PHIP: variants seen among roughly 807,000 people sequenced by gnomAD.
The protein encoded by PHIP is PHIP subunit of CUL4-Ring ligase complex, also known as PH-interacting protein.
PHIP carries 54 observed loss-of-function variants against 236.8 expected under a neutral mutation model. The observed-to-expected ratio is 0.23, with a 90% CI of 0.18 to 0.29. The LOEUF is 0.29. PHIP is among the 10% of genes least tolerant of loss of function. The pLI is 1.00. For synonymous variants in PHIP, 756 were observed against 718.9 expected (o/e 1.05, Z -0.83); for missense variants, 1,370 against 2,190.8 (o/e 0.63, Z 7.48).
chr6:79,043,037 T>C, intron 6 of PHIP, 34 bp from the exon 7 acceptor site: 1 of 1,546,646 alleles, frequency 6.5e-7, no homozygotes, highest in Non-Finnish European at 8.8e-7. Flanking sequence ...AAATGTAATC[T>C]GGAAATTAAT....
chr6:79,038,138 A>C (rs1211493149), intron 7 of PHIP, among the ~76,000 whole-genome samples: 3 of 152,202 alleles, frequency 2.0e-5, no homozygotes, highest in African/African-American at 7.2e-5. Flanking sequence ...AAAACAGAAC[A>C]TTTTTTGGTC....
chr6:78,967,277 G>A (rs745863814), intron 27 of PHIP, among the ~76,000 whole-genome samples: 20 of 152,158 alleles, frequency 1.3e-4, no homozygotes, highest in Non-Finnish European at 2.4e-4. Flanking sequence ...ATGCATACTA[G>A]TGACACTTAA....
intron 35 of PHIP, among the ~76,000 whole-genome samples, chr6:78,952,880 T>C (rs1562120349): frequency 6.6e-6 from 1 of 152,090 alleles, no homozygotes; most frequent in Non-Finnish European, 1.5e-5. Flanking sequence ...GTGGTACATA[T>C]AACAACAGTA....
At chr6:78,990,821 C>T in intron 20 of PHIP, 47 bp downstream of exon 20, 1 of 1,073,498 alleles carries the variant, frequency 9.3e-7, no homozygotes, top group Non-Finnish European at 1.4e-6. Context: ...AAAATGGTCA[C>T]TATACTTAAG....
At chr6:78,991,699 T>A (rs954570839) in intron 19 of PHIP, among the ~76,000 whole-genome samples, 3 of 152,182 alleles carry the variant, frequency 2.0e-5, no homozygotes, top group Non-Finnish European at 4.4e-5. Flanking sequence ...AACTATATAC[T>A]GTTGATATTT....
intron 13 of PHIP, 123 bp from the exon 14 acceptor site, chr6:79,015,906 A>T: frequency 6.4e-6 from 4 of 627,350 alleles, no homozygotes; most frequent in Non-Finnish European, 1.1e-5. Context: ...ACAGTAACTG[A>T]GAAGTTTGAA....
chr6:79,077,970 G>A (rs1462907116), intron 1 of PHIP, 57 bp from the exon 2 acceptor site: 27 of 1,591,664 alleles, frequency 1.7e-5, no homozygotes, highest in Non-Finnish European at 2.2e-5. Flanking sequence ...GCGGCGGGGG[G>A]CGGGGGACCG....
rs192081628 is a variant in PHIP, at chr6:79,007,807, G to A, written c.1525-3949C>T. Among the ~76,000 whole-genome samples the A allele has an allele frequency of 6.4e-4, 97 of 151,790 alleles. 1 individual carries two copies. In the South Asian group the frequency reaches 8.1e-3, roughly 13 times the overall value. ...ACTCATATACCAAGAATGAAAAGAG[G>A]TGATAAATGGAATTTATGCTAAGAA... is the stretch of plus-strand genomic sequence containing the variant. On this transcript the variant is annotated intron_variant, in intron 15 of 39. Coordinates refer to ENST00000275034, the MANE Select transcript of PHIP (RefSeq NM_017934.7).
chr6:78,965,553 C>T, intron 29 of PHIP, 150 bp downstream of exon 29: 1 of 531,974 alleles, frequency 1.9e-6, no homozygotes, highest in Admixed American at 3.1e-5. Context: ...ATCTCCCCTA[C>T]TTCAAGGTGT....
At position 78,940,045 on chromosome 6, in the gene PHIP, A is replaced by G. The variant is rs958668547; in HGVS notation, c.*648T>C. On this transcript the variant is annotated 3_prime_UTR_variant, in exon 40 of 40. Coordinates refer to ENST00000275034, the MANE Select transcript of PHIP (RefSeq NM_017934.7). ...GACAGTCAAATGTTTTCCAATGTGG[A>G]TATGTTTCCCTTCATCAGTACATTT... is the stretch of plus-strand genomic sequence containing the variant. The G allele has an allele frequency of 2.2e-5, 3 of 135,176 alleles. No homozygotes were observed. The highest frequency in any genetic ancestry group is 4.8e-5 in the Non-Finnish European group (3 of 62,962). 8.4% of individuals were successfully genotyped at this position (135,176 alleles called of 1,614,324 possible).
At chr6:79,007,171 G>C (rs1306575540) in intron 15 of PHIP, among the ~76,000 whole-genome samples, 1 of 152,016 alleles carries the variant, frequency 6.6e-6, no homozygotes. Context: ...TATGAGCTAA[G>C]AGCTCTGATG....
intron 6 of PHIP, among the ~76,000 whole-genome samples, chr6:79,053,364 T>C (rs533015433): frequency 2.0e-5 from 3 of 152,198 alleles, no homozygotes; most frequent in Non-Finnish European, 4.4e-5. Flanking sequence ...AGAGTTGCTA[T>C]AGAAAACAGA....
rs754121672 is a variant in PHIP, at chr6:79,015,656, T to A, written c.1363A>T (p.Thr455Ser). Reference sequence around the variant, plus strand: ...ATCAGGACATGAATTAGTTGACCAGTGTAAGAATTCCAAACTTTCAGAGTC... The same window carrying A: ...ATCAGGACATGAATTAGTTGACCAGAGTAAGAATTCCAAACTTTCAGAGTC... ...NMTLKVWNSY[T>S]GQLIHVLMGH... Residue 455 changes from threonine (T) to serine (S), a missense_variant, in exon 14 of 40, where the codon ACT becomes TCT. Thr to Ser is a moderately conservative substitution (Grantham distance 58). Around this residue, in one of 14 missense-constraint regions of PHIP, gnomAD observed 188 missense variants for 354.3 expected, o/e 0.53. Coordinates refer to ENST00000275034, the MANE Select transcript of PHIP (RefSeq NM_017934.7). 3 of 1,607,568 alleles carry A rather than the reference T, an allele frequency of 1.9e-6. No individual in the cohort carries two copies. Among genetic ancestry groups the A allele is most frequent in the African/African-American group, 2.7e-5 (2 of 74,606 alleles).
At chr6:79,064,320 C>T (rs1773519027) in intron 4 of PHIP, among the ~76,000 whole-genome samples, 1 of 152,104 alleles carries the variant, frequency 6.6e-6, no homozygotes, top group Admixed American at 6.6e-5. Flanking sequence ...AAAATCCTGC[C>T]TAACTGCTAT....
chr6:78,951,408 T>A (rs2050661), intron 35 of PHIP, among the ~76,000 whole-genome samples: 1 of 151,926 alleles, frequency 6.6e-6, no homozygotes, highest in Non-Finnish European at 1.5e-5. Flanking sequence ...CTTTGAATAT[T>A]TGATTAAACT....
intron 32 of PHIP, 142 bp from the exon 33 acceptor site, chr6:78,955,824 T>C: frequency 2.2e-6 from 1 of 460,202 alleles, no homozygotes; most frequent in Non-Finnish European, 3.9e-6. Flanking sequence ...CTCCAATAAT[T>C]TATGCACACA....
At chr6:79,007,689 C>CTCTTTTTTTTTT in intron 15 of PHIP, among the ~76,000 whole-genome samples, 1 of 127,500 alleles carries the variant, frequency 7.8e-6, no homozygotes. Flanking sequence ...GCACACCGTT[C>CTCTTTTTTTTTT]ATTAGAAGAA....
At position 78,975,088 on chromosome 6, in the gene PHIP, C is replaced by A. The variant is rs140507694; in HGVS notation, c.2889+3504G>T. On this transcript the variant is annotated intron_variant, in intron 24 of 39. Coordinates refer to ENST00000275034, the MANE Select transcript of PHIP (RefSeq NM_017934.7). ...ACAACCAAAAAAGATAATTTTAGAC[C>A]AATATCCTTGATGAACATTGATGCA... Among the ~76,000 whole-genome samples, 8 of 151,576 alleles carry A rather than the reference C, an allele frequency of 5.3e-5. No individual in the cohort carries two copies. The East Asian group carries it at 7.7e-4, about 15-fold the overall frequency.
At chr6:79,000,304 A>G (rs1460474194) in intron 17 of PHIP, among the ~76,000 whole-genome samples, 1 of 152,032 alleles carries the variant, frequency 6.6e-6, no homozygotes, top group Non-Finnish European at 1.5e-5. Context: ...ATGGATACCA[A>G]CAACTGGTAT....
Sources: gnomAD v4.1 joint callset for allele counts (sites outside exome capture counted in the v4.1 genomes callset) on GRCh38, gnomAD v4.1.1 for gene constraint, gnomAD v4.1.1 regional missense constraint, MANE v1.5 for transcripts, NCBI Gene and HGNC (gene_info 2026-07-23, HGNC 2026-07-21) for gene names.